FAM186A: variants seen among roughly 807,000 people sequenced by gnomAD.
FAM186A encodes the protein protein FAM186A.
Under a neutral mutation model 216.8 loss-of-function variants are expected in FAM186A, and 163 were observed. That is an observed-to-expected ratio of 0.75 (90% CI 0.66 to 0.86). The LOEUF is 0.86. Among genes scored for constraint, FAM186A ranks in the 40% least tolerant of loss-of-function variants. FAM186A has a pLI of 0.00. For synonymous variants in FAM186A, 805 were observed against 1,025.3 expected (o/e 0.79, Z 4.10); for missense variants, 2,184 against 2,746.2 (o/e 0.80, Z 4.58).
At chr12:50,385,976 A>G (rs1943299654) in intron 1 of FAM186A, among the ~76,000 whole-genome samples, 1 of 152,198 alleles carries the variant, frequency 6.6e-6, no homozygotes, top group Admixed American at 6.6e-5. Context: ...GGGGATGGGC[A>G]GATTGTGGAG....
At chr12:50,342,779 T>C (rs551532143) in intron 4 of FAM186A, among the ~76,000 whole-genome samples, 11 of 151,546 alleles carry the variant, frequency 7.3e-5, no homozygotes, top group African/African-American at 2.4e-4. Flanking sequence ...GACCTTTTTT[T>C]TTTTTGAGAC....
Position 50,331,660 on chromosome 12 carries a change from T to C in FAM186A, c.6848+10A>G. 2 of 1,536,680 alleles carry C rather than the reference T, an allele frequency of 1.3e-6. No homozygotes were observed. Among genetic ancestry groups the C allele is most frequent in the Non-Finnish European group, 1.7e-6 (2 of 1,143,806 alleles). Reference sequence around the variant, plus strand: ...GTCCAAAGTTTAATATCAGTCTTTCTAGCACATACCTAAATTTCTTGCATA... The same window carrying C: ...GTCCAAAGTTTAATATCAGTCTTTCCAGCACATACCTAAATTTCTTGCATA... On this transcript the variant is annotated intron_variant, in intron 6 of 7. Coordinates refer to ENST00000327337, the MANE Select transcript of FAM186A (RefSeq NM_001145475.3).
At position 50,350,605 on chromosome 12, in the gene FAM186A, G is replaced by A; in HGVS notation, c.6227C>T (p.Pro2076Leu). 1 of 1,551,584 alleles carries A rather than the reference G, an allele frequency of 6.4e-7. No homozygotes were observed. Among genetic ancestry groups the A allele is most frequent in the Non-Finnish European group, 8.7e-7 (1 of 1,146,984 alleles). ...QKSRFPPIDKPWILSSVSDTK... is the reference protein window; with the variant it reads ...QKSRFPPIDKLWILSSVSDTK... ...ATCTGAAACTGAACTCAGTATCCAG[G>A]GCTTGTCTATAGGAGGGAATCGGGA... Residue 2076 changes from proline to leucine, a missense_variant, in exon 4 of 8, where the codon CCC becomes CTC. This residue lies in a region of FAM186A where 721 missense variants were observed against 816.4 expected (regional missense o/e 0.88). Coordinates refer to ENST00000327337, the MANE Select transcript of FAM186A (RefSeq NM_001145475.3).
intron 1 of FAM186A, among the ~76,000 whole-genome samples, chr12:50,370,301 AC>A (rs1173145030): frequency 6.6e-6 from 1 of 151,472 alleles, no homozygotes; most frequent in East Asian, 1.9e-4. Context: ...GACACTCCAT[AC>A]CCCCCAAAAA....
intron 3 of FAM186A, among the ~76,000 whole-genome samples, chr12:50,358,154 A>C (rs1401832738): frequency 6.6e-6 from 1 of 151,830 alleles, no homozygotes; most frequent in Non-Finnish European, 1.5e-5. Context: ...ATCATGATTC[A>C]TAAAAAAAAA....
At chr12:50,374,728 G>T (rs531516866) in intron 1 of FAM186A, among the ~76,000 whole-genome samples, 1 of 152,262 alleles carries the variant, frequency 6.6e-6, no homozygotes, top group East Asian at 1.9e-4. Context: ...GTGCTCTAAA[G>T]GTTCTGTTCT....
intron 1 of FAM186A, among the ~76,000 whole-genome samples, chr12:50,365,275 A>T (rs1305668046): frequency 1.3e-5 from 2 of 152,154 alleles, no homozygotes; most frequent in African/African-American, 2.4e-5. Flanking sequence ...TGTGTCTTTC[A>T]TATTTATTTT....
At position 50,353,826 on chromosome 12, in the gene FAM186A, G is replaced by A; in HGVS notation, c.3006C>T (p.Val1002=). ...ETQPKELEKM[V]IQTPMTLSPR... The stretch of plus-strand genomic sequence containing the variant: ...GAGATAATGTCATTGGAGTTTGGAT[G>A]ACCATTTTTTCTAGCTCTTTAGGTT... Residue 1002 remains valine, a synonymous_variant, in exon 4 of 8, where the codon GTC becomes GTT. Transcript: ENST00000327337. The A allele has an allele frequency of 6.4e-7, 1 of 1,551,638 alleles. No individual in the cohort carries two copies. Among genetic ancestry groups the A allele is most frequent in the South Asian group, 1.2e-5 (1 of 84,048 alleles).
At chr12:50,381,449 C>G (rs1017939151) in intron 1 of FAM186A, among the ~76,000 whole-genome samples, 3 of 151,962 alleles carry the variant, frequency 2.0e-5, no homozygotes, top group African/African-American at 7.3e-5. Flanking sequence ...AATGAGTGTC[C>G]AGCTGTCAGC....
intron 4 of FAM186A, among the ~76,000 whole-genome samples, chr12:50,339,903 T>C (rs1942746029): frequency 6.6e-6 from 1 of 152,074 alleles, no homozygotes; most frequent in South Asian, 2.1e-4. Context: ...AGTGGCGCAA[T>C]CTCGGTTCAC....
At chr12:50,328,100 TG>T (rs1245907441) in intron 7 of FAM186A, among the ~76,000 whole-genome samples, 1 of 152,238 alleles carries the variant, frequency 6.6e-6, no homozygotes, top group African/African-American at 2.4e-5. Context: ...ATGGAATTTT[TG>T]TAGGAAAATA....
intron 1 of FAM186A, among the ~76,000 whole-genome samples, chr12:50,384,278 T>TA (rs200850479): frequency 1.5e-4 from 22 of 148,336 alleles, no homozygotes; most frequent in African/African-American, 4.5e-4. Context: ...CTACAAAAAT[T>TA]AAAAAAAAAA....
At chr12:50,331,414 CT>C (rs951263563) in intron 6 of FAM186A, among the ~76,000 whole-genome samples, 1 of 151,978 alleles carries the variant, frequency 6.6e-6, no homozygotes, top group Admixed American at 6.6e-5. Flanking sequence ...TAATTTTGTA[CT>C]TTTTTTAGTA....
Position 50,333,986 on chromosome 12 carries a change from G to T in FAM186A, c.6621C>A (p.Val2207=). ...CTAGAGACTTCTGCTTCTCAGTCCAGACCTGCATCACCTTTTTCCCGTAGT... is the reference window on the plus strand; with the variant it reads ...CTAGAGACTTCTGCTTCTCAGTCCATACCTGCATCACCTTTTTCCCGTAGT... The part of the protein sequence containing the change: ...LDDYGKKVMQ[V]WTEKQKSLGQ... Residue 2207 remains valine, a synonymous_variant, in exon 5 of 8, where the codon GTC becomes GTA. Coordinates refer to ENST00000327337, the MANE Select transcript of FAM186A (RefSeq NM_001145475.3). 6.4e-7 allele frequency: 1 copy of T among 1,551,670 alleles called. No individual in the cohort carries two copies. Among genetic ancestry groups the T allele is most frequent in the South Asian group, 1.2e-5 (1 of 84,070 alleles).
intron 1 of FAM186A, among the ~76,000 whole-genome samples, chr12:50,388,398 C>T (rs1943325463): frequency 6.6e-6 from 1 of 151,922 alleles, no homozygotes; most frequent in Non-Finnish European, 1.5e-5. Flanking sequence ...CGGGAGGATC[C>T]CCTGAGGTCA....
At chr12:50,374,524 T>A (rs1592627241) in intron 1 of FAM186A, among the ~76,000 whole-genome samples, 1 of 152,176 alleles carries the variant, frequency 6.6e-6, no homozygotes. Context: ...ACTCACTATG[T>A]CAACGGATTA....
At position 50,352,075 on chromosome 12, in the gene FAM186A, T is replaced by G. The variant is rs374020295; in HGVS notation, c.4757A>C (p.Glu1586Ala). The G allele has an allele frequency of 0.019, 10,093 of 526,702 alleles. 808 individuals are homozygous for G. Among genetic ancestry groups the G allele is most frequent in the African/African-American group, 0.058 (1,267 of 21,868 alleles). The allele number at this position is 526,702 out of a possible 1,614,324, so 32.6% of individuals were successfully genotyped here. A position where few individuals can be genotyped will look rare whatever the true frequency, so the allele number is the denominator to read the frequency against. The change falls in exon 4 of 8, where the codon GAA (glutamate) becomes GCA (alanine). Residue 1586 changes from glutamate (E) to alanine (A), a missense_variant. Glu to Ala is a moderately radical substitution (Grantham distance 107). Around this residue, in one of 7 missense-constraint regions of FAM186A, gnomAD observed 16 missense variants for 91.3 expected, o/e 0.18. Transcript: ENST00000327337. ...CTGAGGGGTGAGAGGGATCCCCAGT[T>G]CCTGCGCCTGCTGAGGGGTGAGAGG... ...GIPLTPQQAQ[E>A]LGIPLTPQQA... is the part of the protein sequence containing the mutation.
At chr12:50,390,992 CT>C (rs200690763) in intron 1 of FAM186A, among the ~76,000 whole-genome samples, 1 of 150,646 alleles carries the variant, frequency 6.6e-6, no homozygotes, top group South Asian at 2.1e-4. Context: ...GCCCTACCTC[CT>C]TTTTTTTGTT....
chr12:50,355,845 TTG>T lies in FAM186A; in HGVS notation c.985_986del (p.Gln329ThrfsTer40). On this transcript the variant is annotated frameshift_variant, in exon 4 of 8. Transcript: ENST00000327337. LOFTEE classifies it high-confidence loss of function. ...KLQDAEEKCE[Q>X]LIRSKIVIEQ... ...CTATAACAATTTTGGATCGAATAAG[TTG>T]TTCACATTTTTCTTCTGCATCTTGA... 1 of 1,551,380 alleles carries T rather than the reference TTG, an allele frequency of 6.4e-7. No homozygotes were observed. Among genetic ancestry groups the T allele is most frequent in the Non-Finnish European group, 8.7e-7 (1 of 1,146,968 alleles).
Sources: allele counts gnomAD v4.1 joint callset (sites outside exome capture counted in the v4.1 genomes callset), GRCh38; gene constraint gnomAD v4.1.1; regional missense constraint gnomAD v4.1.1; transcripts MANE v1.5; gene names NCBI Gene and HGNC (gene_info 2026-07-23, HGNC 2026-07-21).